Variants in TNS1 observed in about 807,000 individuals in gnomAD.
TNS1 encodes the protein tensin 1.
In TNS1, 62 loss-of-function variants were observed where a neutral mutation model predicts 168.6. The ratio of observed to expected loss-of-function variants is 0.37; its 90% CI spans 0.30 to 0.45. The LOEUF is 0.45. TNS1 is among the 20% of genes least tolerant of loss of function. The pLI, the probability that TNS1 is intolerant of heterozygous loss-of-function variation, is 1.00. For missense variants in TNS1, 2,240 were observed against 2,339.4 expected, an observed-to-expected ratio of 0.96 and a Z score of 0.88; for synonymous variants, 934 against 933.2, an observed-to-expected ratio of 1.00 and a Z score of -0.02.
At chr2:217,850,049 C>T (rs537985975) in intron 18 of TNS1, 139 of 985,458 alleles carry the variant, frequency 1.4e-4, no homozygotes, top group Middle Eastern at 1.0e-3. Context: ...CAGCACTGCC[C>T]ACTCCTGATG....
At chr2:217,830,281 C>T in intron 22 of TNS1, 2 of 1,566,050 alleles carry the variant, frequency 1.3e-6, no homozygotes, top group Non-Finnish European at 1.7e-6. Flanking sequence ...GGCTCAGTGT[C>T]CCTGGCCATG....
At chr2:217,817,177 T>C (rs937174969) in intron 24 of TNS1, among the ~76,000 whole-genome samples, 1 of 152,122 alleles carries the variant, frequency 6.6e-6, no homozygotes, top group Non-Finnish European at 1.5e-5. Context: ...ACAACTCCAG[T>C]GATGCTTGAA....
At chr2:217,895,155 G>A in intron 8 of TNS1, 99 bp from the exon 9 acceptor site, 1 of 1,222,618 alleles carries the variant, frequency 8.2e-7, no homozygotes, top group South Asian at 1.3e-5. Flanking sequence ...AAGGACCGTG[G>A]CATCATTGCC....
intron 18 of TNS1, among the ~76,000 whole-genome samples, chr2:217,861,439 C>T (rs571517633): frequency 6.6e-6 from 1 of 152,364 alleles, no homozygotes; most frequent in South Asian, 2.1e-4. Flanking sequence ...GACCCACAAA[C>T]AGCCCATGTG....
At chr2:218,011,523 C>T (rs1379493644), upstream of TNS1, among the ~76,000 whole-genome samples, 1 of 152,168 alleles carries the variant, frequency 6.6e-6, no homozygotes, top group African/African-American at 2.4e-5. Context: ...CCCCCATCCC[C>T]CTGGGGCTGG....
At chr2:217,932,451 G>A (rs912432661) in intron 3 of TNS1, among the ~76,000 whole-genome samples, 3 of 152,188 alleles carry the variant, frequency 2.0e-5, no homozygotes, top group Admixed American at 6.5e-5. Context: ...CTGGGATACA[G>A]AATATGCTTA....
intron 4 of TNS1, among the ~76,000 whole-genome samples, chr2:217,910,704 A>G (rs1451917765): frequency 7.5e-6 from 1 of 133,660 alleles, no homozygotes; most frequent in African/African-American, 3.2e-5. Flanking sequence ...TACAGCTACC[A>G]CATACACATA....
chr2:217,894,034 A>G (rs1157643292), intron 9 of TNS1, among the ~76,000 whole-genome samples: 2 of 152,152 alleles, frequency 1.3e-5, no homozygotes, highest in Non-Finnish European at 2.9e-5. Flanking sequence ...CCTGATGTTC[A>G]TGACTCTTTT....
In TNS1 at chr2:217,984,767, TC is replaced by T. The variant is rs1415102633; in HGVS notation, c.149-5966del. Among the ~76,000 whole-genome samples the T allele has an allele frequency of 9.4e-4, 134 of 143,132 alleles. 1 individual carries two copies. The highest frequency in any genetic ancestry group is 3.2e-3 in the African/African-American group (114 of 36,052). The allele number at this position is 143,132 out of a possible 152,430, so 93.9% of individuals were successfully genotyped here. ...CTCAGCCTCTTTTTTTTTTTTTTTT[TC>T]CCCCCAAGACAGAGTCTTGCTCTGT... On this transcript the variant is annotated intron_variant, in intron 2 of 32. Coordinates refer to ENST00000682258, the MANE Select transcript of TNS1 (RefSeq NM_001387777.1).
At chr2:217,993,208 A>G (rs558760518) in intron 1 of TNS1, among the ~76,000 whole-genome samples, 52 of 152,290 alleles carry the variant, frequency 3.4e-4, no homozygotes, top group African/African-American at 1.2e-3. Flanking sequence ...AAATCCCCCA[A>G]CAACACATTT....
At chr2:217,962,951 CCG>C (rs1265763134) in intron 3 of TNS1, among the ~76,000 whole-genome samples, 2 of 152,096 alleles carry the variant, frequency 1.3e-5, no homozygotes, top group Admixed American at 6.6e-5. Flanking sequence ...GTTTTGATAA[CCG>C]TGCATGGTTA....
intron 18 of TNS1, among the ~76,000 whole-genome samples, chr2:217,876,401 T>C (rs1329362289): frequency 6.6e-6 from 1 of 152,118 alleles, no homozygotes; most frequent in Non-Finnish European, 1.5e-5. Context: ...GCAAAACTGG[T>C]GTTAGCCAGA....
rs1958353765 is a variant in TNS1, at chr2:217,991,042, C to A, written c.48G>T (p.Glu16Asp). 1 of 678,390 alleles carries A rather than the reference C, an allele frequency of 1.5e-6. No individual in the cohort carries two copies. 42.0% of individuals were successfully genotyped at this position (678,390 alleles called of 1,614,324 possible). A position where few individuals can be genotyped will look rare whatever the true frequency, so the allele number is the denominator to read the frequency against. ...CCTTGAAGCGGTGTGTCTTGGGGGC[C>A]TCCAGATCCTCTGGCTGTGGGAGGA... is the stretch of plus-strand genomic sequence containing the variant. ...LSCMLWPEDL[E>D]APKTHRFKVK... The change falls in exon 2 of 33, where the codon GAG becomes GAT. Residue 16 changes from glutamate (E) to aspartate (D), a missense_variant. By Grantham distance (45) the Glu-to-Asp change is conservative. Coordinates refer to ENST00000682258, the MANE Select transcript of TNS1 (RefSeq NM_001387777.1).
chr2:217,822,359 T>A (rs766126069), intron 22 of TNS1, among the ~76,000 whole-genome samples: 27 of 152,130 alleles, frequency 1.8e-4, no homozygotes, highest in Non-Finnish European at 3.5e-4. Context: ...CTTGCCTGTA[T>A]CCCAGGATAG....
chr2:217,905,613 C>G (rs573726497), intron 6 of TNS1, among the ~76,000 whole-genome samples: 2 of 152,302 alleles, frequency 1.3e-5, no homozygotes, highest in East Asian at 3.9e-4. Flanking sequence ...CAGCCCAGGG[C>G]GGGTGAAGAC....
At chr2:217,818,834 C>T (rs1169306467) in intron 23 of TNS1, 75 bp from the exon 24 acceptor site, 1 of 1,255,308 alleles carries the variant, frequency 8.0e-7, no homozygotes, top group Non-Finnish European at 1.1e-6. Context: ...GGCTGTCTGC[C>T]CTCCCTCCAA....
At chr2:218,015,145 T>A (rs1224073490), upstream of TNS1, among the ~76,000 whole-genome samples, 8 of 152,084 alleles carry the variant, frequency 5.3e-5, no homozygotes, top group African/African-American at 1.9e-4. Flanking sequence ...AATATAGTAC[T>A]GATTCCGGTT....
chr2:217,808,380 G>A (rs1294336340), intron 31 of TNS1, among the ~76,000 whole-genome samples: 1 of 152,140 alleles, frequency 6.6e-6, no homozygotes, highest in Non-Finnish European at 1.5e-5. Context: ...ATGGCAGAGG[G>A]GGTAGCAGTG....
At chr2:217,950,611 C>T (rs1957215936) in intron 3 of TNS1, among the ~76,000 whole-genome samples, 1 of 150,006 alleles carries the variant, frequency 6.7e-6, no homozygotes, top group African/African-American at 2.5e-5. Context: ...GTTCCCACTC[C>T]CTAGGCCTCC....
Sources: gnomAD v4.1 joint callset for allele counts (sites outside exome capture counted in the v4.1 genomes callset) on GRCh38, gnomAD v4.1.1 for gene constraint, MANE v1.5 for transcripts, NCBI Gene and HGNC (gene_info 2026-07-23, HGNC 2026-07-21) for gene names.